SKAP1: variants seen among roughly 807,000 people sequenced by gnomAD.
SKAP1 encodes src kinase-associated phosphoprotein 1.
Under a neutral mutation model 58.5 loss-of-function variants are expected in SKAP1, and 44 were observed. The observed-to-expected ratio is 0.75, with a 90% CI of 0.59 to 0.97. The LOEUF is 0.97. Among genes scored for constraint, SKAP1 ranks in the 50% least tolerant of loss-of-function variants. SKAP1 has a pLI of 0.00. For synonymous variants in SKAP1, 127 were observed against 149.7 expected (o/e 0.85, Z 1.11); for missense variants, 390 against 435.2 (o/e 0.90, Z 0.92).
chr17:48,347,018 G>A (rs1036959931), intron 3 of SKAP1, among the ~76,000 whole-genome samples: 2 of 152,152 alleles, frequency 1.3e-5, no homozygotes, highest in African/African-American at 4.8e-5. Flanking sequence ...AATCTCTTTT[G>A]TGTGTTTTCA....
Position 48,418,164 on chromosome 17 carries a change from C to G in SKAP1, c.46+11911G>C, listed in dbSNP as rs117101365. Among the ~76,000 whole-genome samples the G allele has an allele frequency of 5.9e-5, 9 of 152,252 alleles. No homozygotes were observed. In the East Asian group the frequency reaches 1.7e-3, roughly 29 times the overall value. ...AATTAGCTGGGCATGGTGGCATGCA[C>G]CTGTTGTCCCAACTATTCAGGAGGC... On this transcript the variant is annotated intron_variant, in intron 1 of 12. Coordinates refer to ENST00000336915, the MANE Select transcript of SKAP1 (RefSeq NM_003726.4).
At chr17:48,330,758 T>C (rs923384472) in intron 4 of SKAP1, among the ~76,000 whole-genome samples, 1 of 152,112 alleles carries the variant, frequency 6.6e-6, no homozygotes, top group African/African-American at 2.4e-5. Flanking sequence ...TGCTAAAATA[T>C]CTTTGGGGGT....
intron 4 of SKAP1, among the ~76,000 whole-genome samples, chr17:48,289,740 A>G (rs987720039): frequency 6.6e-6 from 1 of 151,994 alleles, no homozygotes; most frequent in African/African-American, 2.4e-5. Context: ...TTTAGAACAC[A>G]TCCTTTCAGT....
At chr17:48,263,934 T>C (rs1478018278) in intron 4 of SKAP1, among the ~76,000 whole-genome samples, 1 of 151,758 alleles carries the variant, frequency 6.6e-6, no homozygotes, top group Non-Finnish European at 1.5e-5. Context: ...CAAACGAGAG[T>C]GTCTGAAAGG....
chr17:48,217,108 A>T (rs1046627071), intron 4 of SKAP1, among the ~76,000 whole-genome samples: 8 of 152,106 alleles, frequency 5.3e-5, no homozygotes, highest in African/African-American at 1.9e-4. Context: ...TTTTTGTCAA[A>T]TTTGAAAAAG....
chr17:48,374,504 T>C (rs2067129186), intron 2 of SKAP1, among the ~76,000 whole-genome samples: 1 of 152,190 alleles, frequency 6.6e-6, no homozygotes, highest in Non-Finnish European at 1.5e-5. Flanking sequence ...TTATCCTGCA[T>C]TGAAAATGGA....
rs141685141 is a variant in SKAP1, at chr17:48,343,195, A to G, written c.280+2710T>C. On this transcript the variant is annotated intron_variant, in intron 4 of 12. Transcript: ENST00000336915. ...AGCTTAACACAGTGTCTTGGTGTTA[A>G]CTAGGAATCTTTAAACAAACATTTG... is the stretch of plus-strand genomic sequence containing the variant. Among the ~76,000 whole-genome samples the G allele has an allele frequency of 3.4e-3, 511 of 152,260 alleles. 4 individuals carry two copies. The highest frequency in any genetic ancestry group is 0.011 in the African/African-American group (476 of 41,532).
chr17:48,235,047 A>C (rs2065165096), intron 4 of SKAP1, among the ~76,000 whole-genome samples: 1 of 152,248 alleles, frequency 6.6e-6, no homozygotes, highest in South Asian at 2.1e-4. Context: ...ATAGGAGCTC[A>C]AGAAATGTTA....
At chr17:48,437,660 A>G in the SKAP1 span, among the ~76,000 whole-genome samples, 4 of 148,364 alleles carry the variant, frequency 2.7e-5, no homozygotes, top group African/African-American at 7.5e-5. Context: ...AAGAATCACT[A>G]GAACCCAGGA....
chr17:48,258,098 T>C (rs2065446713), intron 4 of SKAP1, among the ~76,000 whole-genome samples: 2 of 152,038 alleles, frequency 1.3e-5, no homozygotes, highest in African/African-American at 4.8e-5. Context: ...AAAGTCAGGA[T>C]TCGAGGCCAG....
chr17:48,215,561 C>T (rs6504108), intron 4 of SKAP1, among the ~76,000 whole-genome samples: 109,462 of 152,092 alleles, frequency 0.72, 39,458 homozygotes, highest in South Asian at 0.82. Flanking sequence ...AGGATGCAGA[C>T]GTGTCAGATC....
At chr17:48,361,323 A>G (rs1377901456) in intron 3 of SKAP1, among the ~76,000 whole-genome samples, 4 of 151,002 alleles carry the variant, frequency 2.6e-5, no homozygotes, top group African/African-American at 9.8e-5. Flanking sequence ...CTCCTGCCTC[A>G]GCCTCCCAAG....
chr17:48,332,571 G>T (rs1245649626), intron 4 of SKAP1, among the ~76,000 whole-genome samples: 1 of 152,124 alleles, frequency 6.6e-6, no homozygotes, highest in African/African-American at 2.4e-5. Context: ...TGCTGCATCT[G>T]CCAGGCCAGT....
chr17:48,188,722 G>T (rs1482736726), intron 5 of SKAP1, among the ~76,000 whole-genome samples: 1 of 152,054 alleles, frequency 6.6e-6, no homozygotes, highest in Non-Finnish European at 1.5e-5. Context: ...AAAAAGGCCG[G>T]GTGTGGTGGC....
At chr17:48,407,306 C>CT (rs1350374955) in intron 1 of SKAP1, among the ~76,000 whole-genome samples, 2 of 152,064 alleles carry the variant, frequency 1.3e-5, no homozygotes, top group Non-Finnish European at 2.9e-5. Flanking sequence ...TAAAACAAGT[C>CT]TATGGGGAAA....
At chr17:48,419,082 TGGAA>T in intron 1 of SKAP1, among the ~76,000 whole-genome samples, 1 of 149,870 alleles carries the variant, frequency 6.7e-6, no homozygotes. Context: ...GAAAAATGGA[TGGAA>T]GGGAGGGAGG....
intron 4 of SKAP1, among the ~76,000 whole-genome samples, chr17:48,254,517 T>G (rs932458663): frequency 1.3e-5 from 2 of 151,916 alleles, no homozygotes; most frequent in African/African-American, 4.8e-5. Context: ...TATATATAGA[T>G]GTATTGTTAA....
chr17:48,190,417 T>G (rs2064525535), intron 4 of SKAP1, among the ~76,000 whole-genome samples: 1 of 152,062 alleles, frequency 6.6e-6, no homozygotes, highest in African/African-American at 2.4e-5. Context: ...CAGCCAAACT[T>G]AAGAATTTTT....
At chr17:48,329,433 G>A (rs1403362337) in intron 4 of SKAP1, among the ~76,000 whole-genome samples, 2 of 152,182 alleles carry the variant, frequency 1.3e-5, no homozygotes, top group African/African-American at 2.4e-5. Context: ...GGCTGGGCGC[G>A]GTGGCTCACG....
Sources: gnomAD v4.1 joint callset for allele counts (sites outside exome capture counted in the v4.1 genomes callset) on GRCh38, gnomAD v4.1.1 for gene constraint, MANE v1.5 for transcripts, NCBI Gene and HGNC (gene_info 2026-07-23, HGNC 2026-07-21) for gene names.